Variants in C1orf159 observed in about 807,000 individuals in gnomAD.
C1orf159 encodes the protein uncharacterized protein C1orf159.
A neutral mutation model predicts 25.6 loss-of-function variants in C1orf159; 19 were observed. The ratio of observed to expected loss-of-function variants is 0.74; its 90% CI spans 0.52 to 1.09. The LOEUF (loss-of-function observed/expected upper bound fraction) is 1.09. C1orf159 is among the 50% of genes least tolerant of loss of function. The probability of loss-of-function intolerance (pLI) is 0.00; values close to 1 mark genes in which losing one functional copy is unlikely to be tolerated. For missense variants in C1orf159, 274 were observed against 290.6 expected (o/e 0.94, Z 0.42); for synonymous variants, 139 against 124.7 (o/e 1.12, Z -0.77).
rs567289043 is a variant in C1orf159, at chr1:1,094,621, C to T, written c.-135-2518G>A. 2.6e-4 allele frequency among the ~76,000 whole-genome samples: 39 copies of T among 152,276 alleles called. No homozygotes were observed. The East Asian group carries it at 3.7e-3, about 14-fold the overall frequency. ...TGCACCATGTTGGCCAGGATGGTCT[C>T]GATCTCCTGACTTTGTGATCCGCCT... is the stretch of plus-strand genomic sequence containing the variant. On this transcript the variant is annotated intron_variant, in intron 1 of 9. Coordinates refer to ENST00000421241, the MANE Select transcript of C1orf159 (RefSeq NM_017891.5).
intron 1 of C1orf159, among the ~76,000 whole-genome samples, chr1:1,103,242 C>T (rs1281487728): frequency 6.6e-6 from 1 of 152,220 alleles, no homozygotes; most frequent in Non-Finnish European, 1.5e-5. Flanking sequence ...GTGCATTTCC[C>T]TTTTCTTCAC....
At position 1,089,781 on chromosome 1, in the gene C1orf159, C is replaced by T. The variant is rs1645896879; in HGVS notation, c.148+572G>A. Among the ~76,000 whole-genome samples, 1 of 152,208 alleles carries T rather than the reference C, an allele frequency of 6.6e-6. No homozygotes were observed. The highest frequency in any genetic ancestry group is 1.5e-5 in the Non-Finnish European group (1 of 68,030). The stretch of plus-strand genomic sequence containing the variant: ...CCTTCTCACTCTGTCCTCCCCTCCC[C>T]TGGCTGCTCCCACTGGCTGCCCTCA... On this transcript the variant is annotated intron_variant, in intron 4 of 9. Coordinates refer to ENST00000421241, the MANE Select transcript of C1orf159 (RefSeq NM_017891.5). This position sits in a 1 kb window ranked among gnomAD's most constrained non-coding sequence, Gnocchi z 7.5.
chr1:1,115,465 C>G (rs1646322338), intron 1 of C1orf159, among the ~76,000 whole-genome samples: 1 of 151,346 alleles, frequency 6.6e-6, no homozygotes, highest in Non-Finnish European at 1.5e-5. Context: ...CTTTCTTCCC[C>G]CGGGCGCCCG....
intron 3 of C1orf159, 183 bp from the exon 4 acceptor site, chr1:1,090,611 A>G (rs1645913875): frequency 1.1e-5 from 8 of 709,448 alleles, no homozygotes; most frequent in East Asian, 1.1e-4. Flanking sequence ...GGGGCCTCAC[A>G]GCCACAGTGC....
At chr1:1,103,787 G>T (rs1175427124) in intron 1 of C1orf159, among the ~76,000 whole-genome samples, 1 of 152,206 alleles carries the variant, frequency 6.6e-6, no homozygotes, top group East Asian at 1.9e-4. Context: ...CAGAAATGCA[G>T]TGGCAGCGAT....
intron 1 of C1orf159, chr1:1,106,531 T>G (rs922730187): frequency 1.3e-5 from 2 of 152,268 alleles, no homozygotes; most frequent in African/African-American, 4.8e-5. Flanking sequence ...TTCTACACCC[T>G]GAAGAACTGA....
Position 1,092,030 on chromosome 1 carries a change from G to C in C1orf159, c.-62C>G, listed in dbSNP as rs1215021887. ...TGGGGACTACCGACATCAGCCCTTT[G>C]CCCGCCTGGGTGTTCAGGGGTTAGC... On this transcript the variant is annotated 5_prime_UTR_variant, in exon 2 of 10. Coordinates refer to ENST00000421241, the MANE Select transcript of C1orf159 (RefSeq NM_017891.5). The C allele has an allele frequency of 1.1e-5, 5 of 456,326 alleles. No individual in the cohort carries two copies. In the East Asian group the frequency reaches 2.1e-4, roughly 19 times the overall value. The allele number at this position is 456,326 out of a possible 1,614,324, so 28.3% of individuals were successfully genotyped here.
chr1:1,092,288 G>GGA (rs1477836410), intron 1 of C1orf159, 185 bp from the exon 2 acceptor site: 1 of 231,678 alleles, frequency 4.3e-6, no homozygotes, highest in Admixed American at 5.4e-5. Context: ...CTGGCCTCCT[G>GGA]GCCTCCTGCG....
At chr1:1,102,614 T>TAAAAAAA (rs1170365187) in intron 1 of C1orf159, among the ~76,000 whole-genome samples, 3 of 34,132 alleles carry the variant, frequency 8.8e-5, no homozygotes, top group Non-Finnish European at 1.1e-4. Context: ...CTGTCTCTAC[T>TAAAAAAA]AAAAAAAAAA....
rs746298790 is a variant in C1orf159, at chr1:1,098,360, C to T, written c.-135-6257G>A. On this transcript the variant is annotated intron_variant, in intron 1 of 9. Coordinates refer to ENST00000421241, the MANE Select transcript of C1orf159 (RefSeq NM_017891.5). ...CAGGGATTACATGTGTGAGCCACTGCGCCTGGCCCCAGCCTGGAAATATTT... is the reference window on the plus strand; with the variant it reads ...CAGGGATTACATGTGTGAGCCACTGTGCCTGGCCCCAGCCTGGAAATATTT... Among the ~76,000 whole-genome samples, 9 of 152,320 alleles carry T rather than the reference C, an allele frequency of 5.9e-5. No individual in the cohort carries two copies. The South Asian group carries it at 8.3e-4, about 14-fold the overall frequency.
chr1:1,093,940 G>T (rs924635218), intron 1 of C1orf159, among the ~76,000 whole-genome samples: 3 of 152,222 alleles, frequency 2.0e-5, no homozygotes, highest in African/African-American at 4.8e-5. Flanking sequence ...ATGTGCAGGA[G>T]TATCTCTGTG....
chr1:1,109,243 G>C lies in C1orf159; in HGVS notation c.-136+6817C>G, dbSNP rs559346029. 3.6e-4 allele frequency among the ~76,000 whole-genome samples: 55 copies of C among 152,220 alleles called. 1 individual carries two copies. The highest frequency in any genetic ancestry group is 2.9e-3 in the Admixed American group (44 of 15,282). ...GCATGCTACAACAGGAATGAACCTT[G>C]AAAACACTATGCTAAGTGAAAGCAG... On this transcript the variant is annotated intron_variant, in intron 1 of 9. Transcript: ENST00000421241.
chr1:1,104,547 G>A (rs148985602), intron 1 of C1orf159, among the ~76,000 whole-genome samples: 34 of 152,284 alleles, frequency 2.2e-4, no homozygotes, highest in African/African-American at 7.7e-4. Flanking sequence ...CCCATCATAC[G>A]GCTTTCTGTG....
In C1orf159 at chr1:1,082,957, C is replaced by T. The variant is rs757559710; in HGVS notation, c.533G>A (p.Arg178Gln). The change falls in exon 10 of 10, where the codon CGG becomes CAG. Residue 178 changes from arginine to glutamine, a missense_variant. Transcript: ENST00000421241. ...VRKPRYVRRE[R>Q]PLDRATDPAA... ...GGGATCCGTGGCCCTGTCCAGGGGC[C>T]GCTCCCGCCTGACGTAGCGCGGCTT... 16 of 1,602,592 alleles carry T rather than the reference C, an allele frequency of 1.0e-5. No homozygotes were observed. The highest frequency in any genetic ancestry group is 8.0e-5 in the African/African-American group (6 of 74,744).
rs1238972369 is a variant in C1orf159 at position 1,084,580 on chromosome 1, G to T, written c.446-74C>A. On this transcript the variant is annotated intron_variant, in intron 7 of 9. Transcript: ENST00000421241. Reference sequence around the variant, plus strand: ...AACCTCAGCCCAGTGCAGCGTCCGGGACAGCAGAGCGAGGAGCTGCCTCAG... The same window carrying T: ...AACCTCAGCCCAGTGCAGCGTCCGGTACAGCAGAGCGAGGAGCTGCCTCAG... The T allele has an allele frequency of 2.6e-6, 4 of 1,532,882 alleles. No individual in the cohort carries two copies. In the Admixed American group the frequency reaches 8.0e-5, roughly 31 times the overall value. The allele number at this position is 1,532,882 out of a possible 1,614,324, so 95.0% of individuals were successfully genotyped here.
intron 1 of C1orf159, among the ~76,000 whole-genome samples, chr1:1,113,416 CTT>C (rs1310821791): frequency 6.6e-6 from 1 of 152,164 alleles, no homozygotes; most frequent in Non-Finnish European, 1.5e-5. Context: ...AGAGGTGGCT[CTT>C]TCTTTTCTTT....
intron 9 of C1orf159, chr1:1,083,824 G>T: frequency 8.2e-7 from 1 of 1,226,688 alleles, no homozygotes; most frequent in Non-Finnish European, 1.2e-6. Flanking sequence ...ACGGAGGCCG[G>T]GTGAGCCCTG....
At chr1:1,098,682 G>A (rs982386887) in intron 1 of C1orf159, among the ~76,000 whole-genome samples, 16 of 152,112 alleles carry the variant, frequency 1.1e-4, no homozygotes, top group Admixed American at 9.2e-4. Context: ...GCAGTGGCAC[G>A]ATCTCGGGTC....
rs762418749 is a variant in C1orf159, at chr1:1,082,953, G to A, written c.537C>T (p.Pro179=). The A allele has an allele frequency of 4.4e-6, 7 of 1,603,336 alleles. No homozygotes were observed. Among genetic ancestry groups the A allele is most frequent in the South Asian group, 1.1e-5 (1 of 89,234 alleles). Residue 179 remains proline (P), a synonymous_variant, in exon 10 of 10, where the codon CCC becomes CCT. Transcript: ENST00000421241. The part of the protein sequence containing the change: ...RKPRYVRRER[P]LDRATDPAAF... ...CAGCGGGATCCGTGGCCCTGTCCAG[G>A]GGCCGCTCCCGCCTGACGTAGCGCG... is the stretch of plus-strand genomic sequence containing the variant.
Sources: allele counts gnomAD v4.1 joint callset (sites outside exome capture counted in the v4.1 genomes callset), GRCh38; gene constraint gnomAD v4.1.1; non-coding constraint Gnocchi (gnomAD v3.1); transcripts MANE v1.5; gene names NCBI Gene and HGNC (gene_info 2026-07-23, HGNC 2026-07-21).